KIF4A: variants seen among roughly 807,000 people sequenced by gnomAD.
The protein encoded by KIF4A is kinesin family member 4A.
In KIF4A, 7 loss-of-function variants were observed where a neutral mutation model predicts 105.9. The observed-to-expected ratio is 0.07, with a 90% CI of 0.04 to 0.12. The LOEUF is 0.12. Among genes scored for constraint, KIF4A ranks in the 10% least tolerant of loss-of-function variants. The pLI is 1.00. For synonymous variants in KIF4A, 281 were observed against 331.3 expected, an observed-to-expected ratio of 0.85 and a Z score of 1.65; for missense variants, 558 against 929.2, an observed-to-expected ratio of 0.60 and a Z score of 5.19.
intron 7 of KIF4A, among the ~76,000 whole-genome samples, chrX:70,318,671 A>T (rs937755236): frequency 8.9e-6 from 1 of 112,018 alleles, no homozygotes; most frequent in African/African-American, 3.2e-5. Context: ...AATATAGTAG[A>T]TGTGGAGTGA....
intron 28 of KIF4A, among the ~76,000 whole-genome samples, chrX:70,416,721 AC>A (rs1332799919): frequency 1.8e-5 from 2 of 111,668 alleles, no homozygotes; most frequent in Non-Finnish European, 3.8e-5. Context: ...CTTACTTTCT[AC>A]TTTTACCCCT....
intron 6 of KIF4A, 100 bp from the exon 7 acceptor site, chrX:70,302,204 C>T (rs1270406398): frequency 1.8e-6 from 2 of 1,098,195 alleles, no homozygotes; most frequent in Admixed American, 5.2e-5. Context: ...GCCATTTTGA[C>T]TGACTTGAAA....
chrX:70,361,244 C>T (rs2086074241), intron 15 of KIF4A, among the ~76,000 whole-genome samples: 2 of 113,696 alleles, frequency 1.8e-5, no homozygotes, highest in South Asian at 7.1e-4. Context: ...GTTAAATCCT[C>T]TGCTAACACA....
chrX:70,377,718 C>T lies in KIF4A; in HGVS notation c.2034+1508C>T, dbSNP rs184079546. The stretch of plus-strand genomic sequence containing the variant: ...TGGGAGGCCAAGGTGGGCAGATCAC[C>T]TGATGTCAGGAGTTCAAGACCAGTC... On this transcript the variant is annotated intron_variant, in intron 18 of 30. Transcript: ENST00000374403. 2.8e-3 allele frequency among the ~76,000 whole-genome samples: 311 copies of T among 112,400 alleles called. 1 individual carries two copies. Among genetic ancestry groups the T allele is most frequent in the African/African-American group, 9.6e-3 (297 of 30,991 alleles).
intron 28 of KIF4A, among the ~76,000 whole-genome samples, chrX:70,411,877 G>T (rs2086323437): frequency 9.3e-6 from 1 of 107,835 alleles, no homozygotes; most frequent in Admixed American, 1.0e-4. Flanking sequence ...AACATAGCAA[G>T]ATCCCATCTC....
intron 7 of KIF4A, among the ~76,000 whole-genome samples, chrX:70,303,030 C>T (rs2085810571): frequency 8.9e-6 from 1 of 111,867 alleles, no homozygotes. Context: ...TACTGTATTT[C>T]TCATAGCTAC....
At chrX:70,404,939 A>C (rs1208539350) in intron 25 of KIF4A, 117 bp downstream of exon 25, 12 of 479,729 alleles carry the variant, frequency 2.5e-5, no homozygotes, top group Middle Eastern at 5.2e-4. Flanking sequence ...AAGTATTTAT[A>C]ATGGTAGCCT....
chrX:70,344,106 G>C (rs932186168), intron 13 of KIF4A, 124 bp downstream of exon 13: 1 of 493,529 alleles, frequency 2.0e-6, no homozygotes, highest in Non-Finnish European at 3.5e-6. Flanking sequence ...CTTTTGGACA[G>C]AGGTCGTGGA....
intron 15 of KIF4A, among the ~76,000 whole-genome samples, chrX:70,363,700 A>G (rs904394162): frequency 8.0e-5 from 9 of 112,208 alleles, no homozygotes; most frequent in Non-Finnish European, 1.3e-4. Context: ...TGCAATAGAC[A>G]TACGTGTTCA....
intron 7 of KIF4A, among the ~76,000 whole-genome samples, chrX:70,317,881 C>CT (rs113324526): frequency 1.1e-4 from 9 of 79,425 alleles, no homozygotes; most frequent in Middle Eastern, 6.8e-3. Flanking sequence ...TTCTTTCTTT[C>CT]TTTTTTTTTT....
intron 7 of KIF4A, among the ~76,000 whole-genome samples, chrX:70,320,220 C>A (rs1248895167): frequency 8.9e-6 from 1 of 111,822 alleles, no homozygotes; most frequent in Non-Finnish European, 1.9e-5. Context: ...GCACCCACTT[C>A]CAGTCTGTTC....
At chrX:70,321,314 A>T (rs1449469637) in intron 7 of KIF4A, among the ~76,000 whole-genome samples, 2 of 111,897 alleles carry the variant, frequency 1.8e-5, no homozygotes, top group Non-Finnish European at 3.8e-5. Flanking sequence ...ACGTTTTAAG[A>T]CTCAACTTAA....
At chrX:70,371,749 C>T (rs1416122136) in intron 15 of KIF4A, among the ~76,000 whole-genome samples, 19 of 107,819 alleles carry the variant, frequency 1.8e-4, no homozygotes, top group South Asian at 1.3e-3. Flanking sequence ...TGGGCGGAGA[C>T]GCTCCTCACT....
At chrX:70,412,794 C>T (rs1307718168) in intron 28 of KIF4A, among the ~76,000 whole-genome samples, 6 of 110,286 alleles carry the variant, frequency 5.4e-5, no homozygotes, top group African/African-American at 2.0e-4. Flanking sequence ...CATGGTGACA[C>T]ACACCTGTAG....
chrX:70,336,744 A>G (rs1045730061), intron 10 of KIF4A, among the ~76,000 whole-genome samples: 3 of 111,656 alleles, frequency 2.7e-5, no homozygotes, highest in African/African-American at 9.8e-5. Context: ...TTGTGGTAAA[A>G]TATACATAAC....
chrX:70,331,009 A>G (rs1035725698), intron 9 of KIF4A, among the ~76,000 whole-genome samples: 2 of 111,697 alleles, frequency 1.8e-5, no homozygotes, highest in Admixed American at 9.5e-5. Flanking sequence ...CTGCATATAC[A>G]TAGGAACAGC....
intron 20 of KIF4A, among the ~76,000 whole-genome samples, chrX:70,395,181 G>A (rs1178314077): frequency 8.9e-6 from 1 of 112,178 alleles, no homozygotes; most frequent in Non-Finnish European, 1.9e-5. Flanking sequence ...GGGAGGCAGA[G>A]GTTGCAGTGA....
At chrX:70,404,098 A>G in intron 24 of KIF4A, 64 bp downstream of exon 24, 1 of 1,042,959 alleles carries the variant, frequency 9.6e-7, no homozygotes, top group Non-Finnish European at 1.3e-6. Context: ...TGTTAGTTTT[A>G]AAAAAAAAGT....
rs778158231 is a variant in KIF4A at position 70,309,566 on chromosome X, CT to C, written c.778+7175del. 2.6e-3 allele frequency among the ~76,000 whole-genome samples: 286 copies of C among 111,448 alleles called. 1 individual carries two copies. The highest frequency in any genetic ancestry group is 9.1e-3 in the African/African-American group (278 of 30,705). ...AAATTGGCTACTTAAGGAGCAATAG[CT>C]TTTTTTCTTTTTCAGCCTTATTGAG... On this transcript the variant is annotated intron_variant, in intron 7 of 30. Transcript: ENST00000374403.
Sources: allele counts gnomAD v4.1 joint callset (sites outside exome capture counted in the v4.1 genomes callset), GRCh38; gene constraint gnomAD v4.1.1; transcripts MANE v1.5; gene names NCBI Gene and HGNC (gene_info 2026-07-23, HGNC 2026-07-21).